Variants in SSPN observed in about 807,000 individuals in gnomAD.
SSPN encodes the protein K-ras oncogene-associated protein.
Under a neutral mutation model 19.1 loss-of-function variants are expected in SSPN, and 15 were observed. That is an observed-to-expected ratio of 0.78 (90% confidence interval 0.52 to 1.21). The LOEUF (loss-of-function observed/expected upper bound fraction) is 1.21. Among genes scored for constraint, SSPN ranks in the 50% most tolerant of loss-of-function variants. The pLI, the probability that SSPN is intolerant of heterozygous loss-of-function variation, is 0.00. For synonymous variants in SSPN, 147 were observed against 140.3 expected (o/e 1.05, Z -0.34); for missense variants, 291 against 314.0 (o/e 0.93, Z 0.55).
intron 1 of SSPN, among the ~76,000 whole-genome samples, chr12:26,188,652 G>A (rs1010953066): frequency 3.9e-5 from 6 of 152,176 alleles, no homozygotes; most frequent in South Asian, 2.1e-4. Context: ...AATGTTGTTT[G>A]TATCAGAAAT....
rs376420129 is a variant in SSPN, at chr12:26,230,709, A to C, written c.367-2A>C. 1 of 1,592,744 alleles carries C rather than the reference A, an allele frequency of 6.3e-7. No individual in the cohort carries two copies. The highest frequency in any genetic ancestry group is 1.3e-5 in the African/African-American group (1 of 74,228). On this transcript the variant is annotated splice_acceptor_variant, in intron 2 of 2. Coordinates refer to ENST00000242729, the MANE Select transcript of SSPN (RefSeq NM_005086.5). LOFTEE classifies it high-confidence loss of function. Reference sequence around the variant, plus strand: ...GAAAGGTTTTCTTCTGCTTTCTTGCAGCTGTTATACTTTCTGCTGAGTGCC... The same window carrying C: ...GAAAGGTTTTCTTCTGCTTTCTTGCCGCTGTTATACTTTCTGCTGAGTGCC...
rs1373574191 is a variant in SSPN, at chr12:26,214,097, A to G, written c.280-10196A>G. Among the ~76,000 whole-genome samples, 4 of 152,118 alleles carry G rather than the reference A, an allele frequency of 2.6e-5. No individual in the cohort carries two copies. The East Asian group carries it at 7.7e-4, about 29-fold the overall frequency. Reference sequence around the variant, plus strand: ...GTTTGAGTTCCTGTGAGATGGGGGAAAACACCTACTACAATTCCAGGCACG... The same window carrying G: ...GTTTGAGTTCCTGTGAGATGGGGGAGAACACCTACTACAATTCCAGGCACG... On this transcript the variant is annotated intron_variant, in intron 1 of 2. Transcript: ENST00000242729.
At chr12:26,158,640 G>A (rs557018774) in intron 1 of SSPN, among the ~76,000 whole-genome samples, 6 of 152,364 alleles carry the variant, frequency 3.9e-5, no homozygotes, top group African/African-American at 1.4e-4. Flanking sequence ...GATGAGTCCT[G>A]GCTGGGGAAG....
intron 1 of SSPN, among the ~76,000 whole-genome samples, chr12:26,147,280 T>G (rs143509560): frequency 1.4e-5 from 2 of 147,606 alleles, no homozygotes; most frequent in African/African-American, 4.9e-5. Flanking sequence ...TTTTTTGTGT[T>G]TTTTTTTTTT....
chr12:26,124,483 T>C, intron 1 of SSPN: 1 of 1,596,128 alleles, frequency 6.3e-7, no homozygotes, highest in Non-Finnish European at 8.6e-7. Flanking sequence ...TAACTACCCA[T>C]GCAGGTTATG....
chr12:26,220,078 TC>T (rs1319921488), intron 1 of SSPN, among the ~76,000 whole-genome samples: 1 of 152,104 alleles, frequency 6.6e-6, no homozygotes, highest in Non-Finnish European at 1.5e-5. Flanking sequence ...TCCTGCCAAC[TC>T]AGGAGACAAA....
chr12:26,228,874 A>G (rs1945203565), intron 2 of SSPN, among the ~76,000 whole-genome samples: 1 of 152,112 alleles, frequency 6.6e-6, no homozygotes, highest in African/African-American at 2.4e-5. Context: ...GGCCAGACGA[A>G]GTGGTTCACG....
chr12:26,194,250 G>C (rs1944806809), upstream of SSPN, among the ~76,000 whole-genome samples: 1 of 152,166 alleles, frequency 6.6e-6, no homozygotes. Context: ...CTGTGACTCT[G>C]GGCCAGGACC....
chr12:26,210,843 G>A (rs58195089), intron 1 of SSPN, among the ~76,000 whole-genome samples: 3,095 of 152,166 alleles, frequency 0.02, 108 homozygotes, highest in African/African-American at 0.068. Flanking sequence ...ACCTTTTGAT[G>A]CTTTTTAGAA....
intron 1 of SSPN, chr12:26,125,850 A>T (rs1944359232): frequency 6.6e-6 from 1 of 152,230 alleles, no homozygotes; most frequent in South Asian, 2.1e-4. Context: ...GGGCTACCAC[A>T]GAAAAGCTAT....
At chr12:26,190,243 C>T (rs1227792953) in intron 1 of SSPN, among the ~76,000 whole-genome samples, 1 of 152,202 alleles carries the variant, frequency 6.6e-6, no homozygotes, top group African/African-American at 2.4e-5. Context: ...TCAAGTGTTG[C>T]TAAGTGACTT....
At position 26,232,000 on chromosome 12, in the gene SSPN, C is replaced by T. The variant is rs1945238454; in HGVS notation, c.*924C>T. On this transcript the variant is annotated 3_prime_UTR_variant, in exon 3 of 3. Transcript: ENST00000242729. ...GATTCTTTCTTCTGAAAGCCAAGCA[C>T]CACAAGGAAAAAAAAAATTATTAAT... The T allele has an allele frequency of 1.2e-6, 1 of 851,978 alleles. No homozygotes were observed. Among genetic ancestry groups the T allele is most frequent in the Non-Finnish European group, 1.3e-6 (1 of 772,050 alleles). The allele number at this position is 851,978 out of a possible 1,614,324, so 52.8% of individuals were successfully genotyped here. A position where few individuals can be genotyped will look rare whatever the true frequency, so the allele number is the denominator to read the frequency against.
chr12:26,195,506 G>A, upstream of SSPN: 1 of 1,180,596 alleles, frequency 8.5e-7, no homozygotes, highest in Non-Finnish European at 1.1e-6. Flanking sequence ...CTCTGCTGCG[G>A]GCTCCCCGTG....
intron 1 of SSPN, among the ~76,000 whole-genome samples, chr12:26,145,192 T>C (rs1802391601): frequency 6.6e-6 from 1 of 152,220 alleles, no homozygotes; most frequent in Admixed American, 6.5e-5. Context: ...CTTTATTTTC[T>C]CAAGCCAGTT....
intron 1 of SSPN, among the ~76,000 whole-genome samples, chr12:26,146,825 A>AAAAAAAAAAAG (rs1373732986): frequency 1.3e-4 from 20 of 151,816 alleles, no homozygotes; most frequent in Non-Finnish European, 2.4e-4. Flanking sequence ...GTCTAAAAAA[A>AAAAAAAAAAAG]AAAAAGAAAG....
At chr12:26,211,847 A>G (rs527375930) in intron 1 of SSPN, among the ~76,000 whole-genome samples, 6 of 152,334 alleles carry the variant, frequency 3.9e-5, no homozygotes, top group African/African-American at 1.4e-4. Flanking sequence ...GGGAAAAATT[A>G]TATAAAATTC....
At chr12:26,211,222 A>T (rs916301367) in intron 1 of SSPN, 5 of 152,198 alleles carry the variant, frequency 3.3e-5, no homozygotes, top group Admixed American at 3.3e-4. Flanking sequence ...TCTTTTGAGG[A>T]TATAACTGCA....
chr12:26,195,423 C>T, upstream of SSPN: 1 of 579,898 alleles, frequency 1.7e-6, no homozygotes. Context: ...GGGCGACCTG[C>T]AAATCCTGCC....
At chr12:26,221,537 G>C (rs1945120759) in intron 1 of SSPN, among the ~76,000 whole-genome samples, 1 of 152,212 alleles carries the variant, frequency 6.6e-6, no homozygotes, top group Non-Finnish European at 1.5e-5. Flanking sequence ...GCTCTAGAAT[G>C]AGGTCATGTG....
Sources: gnomAD v4.1 joint callset for allele counts (sites outside exome capture counted in the v4.1 genomes callset) on GRCh38, gnomAD v4.1.1 for gene constraint, MANE v1.5 for transcripts, NCBI Gene and HGNC (gene_info 2026-07-23, HGNC 2026-07-21) for gene names.